Variants in CRHR2 observed in about 807,000 individuals in gnomAD.
CRHR2 encodes the protein corticotropin-releasing hormone receptor 2.
Under a neutral mutation model 57.9 loss-of-function variants are expected in CRHR2, and 53 were observed. That is an observed-to-expected ratio of 0.92 (90% confidence interval 0.73 to 1.15). The LOEUF is 1.15. Ranked by LOEUF, CRHR2 falls within the 50% of genes most tolerant of loss-of-function variation. CRHR2 has a pLI of 0.00. For synonymous variants in CRHR2, 213 were observed against 220.9 expected (o/e 0.96, Z 0.32); for missense variants, 532 against 542.6 (o/e 0.98, Z 0.19).
chr7:30,672,656 G>C (rs1784400487), intron 2 of CRHR2, among the ~76,000 whole-genome samples: 1 of 152,242 alleles, frequency 6.6e-6, no homozygotes, highest in Non-Finnish European at 1.5e-5. Flanking sequence ...GGCTGACCCA[G>C]CTGCCAAAAC....
Position 30,682,380 on chromosome 7 carries a change from C to T in CRHR2, c.-100G>A. 7.1e-7 allele frequency: 1 copy of T among 1,398,828 alleles called. No homozygotes were observed. The highest frequency in any genetic ancestry group is 2.6e-4 in the Middle Eastern group (1 of 3,842). The allele number at this position is 1,398,828 out of a possible 1,614,324, so 86.7% of individuals were successfully genotyped here. On this transcript the variant is annotated 5_prime_UTR_variant, in exon 1 of 12. Coordinates refer to ENST00000471646, the MANE Select transcript of CRHR2 (RefSeq NM_001883.5). ...GTGAGCGGCCGAGAGGGCGCGGGGT[C>T]CTGGCCCCCGCCAGCCCAGCCCCGA...
intron 6 of CRHR2, 146 bp from the exon 7 acceptor site, chr7:30,662,362 C>T: frequency 2.2e-6 from 2 of 911,936 alleles, no homozygotes; most frequent in Non-Finnish European, 3.4e-6. Context: ...GTGCCCTGTC[C>T]CTCAACACCT....
In CRHR2 at chr7:30,671,569, G is replaced by A. The variant is rs78336720; in HGVS notation, c.230-4256C>T. ...AATCCCAACATTTTGGGAGACCAAG[G>A]CAGGTGAATTGCTTGAGCCCAAGAG... On this transcript the variant is annotated intron_variant, in intron 2 of 11. Coordinates refer to ENST00000471646, the MANE Select transcript of CRHR2 (RefSeq NM_001883.5). Among the ~76,000 whole-genome samples, 1,493 of 150,330 alleles carry A rather than the reference G, an allele frequency of 9.9e-3. 14 individuals are homozygous for A. The highest frequency in any genetic ancestry group is 0.028 in the South Asian group (133 of 4,760).
At chr7:30,659,331 C>A (rs1270248898) in intron 8 of CRHR2, among the ~76,000 whole-genome samples, 1 of 152,228 alleles carries the variant, frequency 6.6e-6, no homozygotes, top group African/African-American at 2.4e-5. Flanking sequence ...ACCACCCTTC[C>A]AACATCTTTA....
chr7:30,685,020 T>A (rs1391928766), upstream of CRHR2, among the ~76,000 whole-genome samples: 2 of 152,150 alleles, frequency 1.3e-5, no homozygotes, highest in African/African-American at 4.8e-5. Context: ...AGGGGATAAG[T>A]ATTTGGAACA....
At chr7:30,694,820 G>C (rs1210703315) in intron 1 of CRHR2, among the ~76,000 whole-genome samples, 1 of 151,386 alleles carries the variant, frequency 6.6e-6, no homozygotes, top group East Asian at 1.9e-4. Flanking sequence ...CTGGAAAAGA[G>C]GGGAGGAGGA....
At chr7:30,660,812 C>G (rs1253432936) in intron 7 of CRHR2, among the ~76,000 whole-genome samples, 167 bp from the exon 8 acceptor site, 1 of 152,254 alleles carries the variant, frequency 6.6e-6, no homozygotes, top group Non-Finnish European at 1.5e-5. Flanking sequence ...ACCACCCTTA[C>G]CCACCAGGCT....
chr7:30,667,644 A>G (rs1208795468), intron 2 of CRHR2, among the ~76,000 whole-genome samples: 1 of 152,246 alleles, frequency 6.6e-6, no homozygotes, highest in Admixed American at 6.5e-5. Flanking sequence ...TCAGCATGCC[A>G]CATAATTTAC....
intron 1 of CRHR2, among the ~76,000 whole-genome samples, chr7:30,695,026 G>A (rs1341551002): frequency 7.1e-6 from 1 of 140,084 alleles, no homozygotes; most frequent in Non-Finnish European, 1.6e-5. Context: ...AGGAGGTGGG[G>A]GAGGAAGGAA....
Position 30,682,224 on chromosome 7 carries a change from A to T in CRHR2, c.57T>A (p.Ala19=). 6.3e-7 allele frequency: 1 copy of T among 1,590,434 alleles called. No individual in the cohort carries two copies. Among genetic ancestry groups the T allele is most frequent in the Non-Finnish European group, 8.5e-7 (1 of 1,175,952 alleles). Residue 19 remains alanine (A), a synonymous_variant, in exon 1 of 12, where the codon GCT becomes GCA. Transcript: ENST00000471646. Reference sequence around the variant, plus strand: ...CCCAGCCGTCCAAGAGCAGCTCTTCAGCCAGCGCCAGGCTGCAGTTGGCCT... The same window carrying T: ...CCCAGCCGTCCAAGAGCAGCTCTTCTGCCAGCGCCAGGCTGCAGTTGGCCT... ...LLEANCSLAL[A]EELLLDGWGP...
chr7:30,685,487 C>T (rs933396440), upstream of CRHR2, among the ~76,000 whole-genome samples: 4 of 152,166 alleles, frequency 2.6e-5, no homozygotes, highest in Non-Finnish European at 4.4e-5. Context: ...CTGGGAATTA[C>T]GACGGGGTTG....
Position 30,653,266 on chromosome 7 carries a change from T to G in CRHR2, c.*194A>C, listed in dbSNP as rs1783652149. On this transcript the variant is annotated 3_prime_UTR_variant, in exon 12 of 12. Transcript: ENST00000471646. The surrounding 1 kb of genome is among the most constrained non-coding windows in gnomAD (Gnocchi z 5.0). ...GAATTCCCTCTGCTTCCTCTTGCGC[T>G]GAGCCTGGTGGCCCCCACTCATCCC... 1.4e-6 allele frequency: 1 copy of G among 708,694 alleles called. No homozygotes were observed. The highest frequency in any genetic ancestry group is 1.8e-5 in the African/African-American group (1 of 56,278). The allele number at this position is 708,694 out of a possible 1,614,324, so 43.9% of individuals were successfully genotyped here.
rs1318998948 is a variant in CRHR2, at chr7:30,682,184, G to T, written c.97C>A (p.Pro33Thr). 1.3e-6 allele frequency: 2 copies of T among 1,575,012 alleles called. No homozygotes were observed. ...LLDGWGPPLD[P>T]EGPYSYCNTT... ...CCGCTCGCCTCCCGCCTACCCTCGG[G>T]GTCCAGGGGTGGCCCCCAGCCGTCC... The change falls in exon 1 of 12, where the codon CCC becomes ACC. Residue 33 changes from proline to threonine, a missense_variant. Coordinates refer to ENST00000471646, the MANE Select transcript of CRHR2 (RefSeq NM_001883.5).
chr7:30,667,173 C>T, intron 3 of CRHR2, 55 bp downstream of exon 3: 1 of 1,531,400 alleles, frequency 6.5e-7, no homozygotes, highest in South Asian at 1.1e-5. Flanking sequence ...TCTGCTCAAC[C>T]TGAGTCCAAA....
At chr7:30,680,263 G>A (rs1389458580) in intron 2 of CRHR2, among the ~76,000 whole-genome samples, 7 of 152,262 alleles carry the variant, frequency 4.6e-5, no homozygotes, top group African/African-American at 1.7e-4. Flanking sequence ...TGCCTGTGCA[G>A]TGGCTGGCAC....
At chr7:30,666,450 C>A (rs1316942613) in intron 3 of CRHR2, among the ~76,000 whole-genome samples, 1 of 152,242 alleles carries the variant, frequency 6.6e-6, no homozygotes, top group African/African-American at 2.4e-5. Context: ...CCTACCCAAC[C>A]CCTGTGTTGA....
chr7:30,684,849 G>A (rs184300576), upstream of CRHR2, among the ~76,000 whole-genome samples: 1 of 152,330 alleles, frequency 6.6e-6, no homozygotes, highest in African/African-American at 2.4e-5. Flanking sequence ...AAATTGGGAA[G>A]AGCCCCAAAA....
intron 2 of CRHR2, chr7:30,688,977 C>G (rs1234364872): frequency 1.5e-6 from 1 of 651,306 alleles, no homozygotes; most frequent in Non-Finnish European, 2.8e-6. Flanking sequence ...GCCTCCCAGC[C>G]AAGCCCTTCA....
intron 2 of CRHR2, among the ~76,000 whole-genome samples, chr7:30,677,454 A>T (rs1421817556): frequency 6.6e-6 from 1 of 152,174 alleles, no homozygotes; most frequent in Non-Finnish European, 1.5e-5. Flanking sequence ...CGGCCTACAG[A>T]CAGGGAGACA....
Sources: gnomAD v4.1 joint callset for allele counts (sites outside exome capture counted in the v4.1 genomes callset) on GRCh38, gnomAD v4.1.1 for gene constraint, Gnocchi (gnomAD v3.1) non-coding constraint, MANE v1.5 for transcripts, NCBI Gene and HGNC (gene_info 2026-07-23, HGNC 2026-07-21) for gene names.